The following TRIM50 variants were observed in gnomAD, a reference collection of about 807,000 sequenced individuals.
TRIM50 encodes the protein tripartite motif containing 50.
A neutral mutation model predicts 44.9 loss-of-function variants in TRIM50; 34 were observed. The observed-to-expected ratio is 0.76, with a 90% confidence interval of 0.58 to 1.01. The LOEUF is 1.01. TRIM50 is among the 50% of genes least tolerant of loss of function. The pLI is 0.00. For missense variants in TRIM50, 633 were observed against 663.7 expected, an observed-to-expected ratio of 0.95 and a Z score of 0.51; for synonymous variants, 307 against 291.1, an observed-to-expected ratio of 1.05 and a Z score of -0.56.
Position 73,324,666 on chromosome 7 carries a change from A to C in TRIM50, c.122T>G (p.Val41Gly). 1 of 1,614,192 alleles carries C rather than the reference A, an allele frequency of 6.2e-7. No homozygotes were observed. Among genetic ancestry groups the C allele is most frequent in the South Asian group, 1.1e-5 (1 of 91,084 alleles). The change falls in exon 2 of 7, where the codon GTT (valine) becomes GGT (glycine). Residue 41 changes from valine (V) to glycine (G), a missense_variant. Coordinates refer to ENST00000333149, the MANE Select transcript of TRIM50 (RefSeq NM_178125.3). Reference sequence around the variant, plus strand: ...GGCATCCAGGTGGCAGGACAGGGAAACCAGGCAGCCCTTGCAGTAAGAGTG... The same window carrying C: ...GGCATCCAGGTGGCAGGACAGGGAACCCAGGCAGCCCTTGCAGTAAGAGTG... Reference protein sequence around the residue: ...CGHSYCKGCLVSLSCHLDAEL... With the variant: ...CGHSYCKGCLGSLSCHLDAEL...
rs781854283 is a variant in TRIM50 at position 73,318,947 on chromosome 7, T to G, written c.601A>C (p.Thr201Pro). 1 of 1,613,806 alleles carries G rather than the reference T, an allele frequency of 6.2e-7. No homozygotes were observed. Among genetic ancestry groups the G allele is most frequent in the Admixed American group, 1.7e-5 (1 of 59,994 alleles). Residue 201 changes from threonine (T) to proline (P), a missense_variant, in exon 4 of 7, where the codon ACC (threonine) becomes CCC (proline). Coordinates refer to ENST00000333149, the MANE Select transcript of TRIM50 (RefSeq NM_178125.3). Reference sequence around the variant, plus strand: ...TCCAGGGAGGCCACCAGGCCACGGGTGTGACCCCCTATCCCCTCCAGGCAG... The same window carrying G: ...TCCAGGGAGGCCACCAGGCCACGGGGGTGACCCCCTATCCCCTCCAGGCAG... ...ARCLEGIGGH[T>P]RGLVASLDMQ...
intron 2 of TRIM50, among the ~76,000 whole-genome samples, chr7:73,321,166 T>C (rs568077630): frequency 1.3e-5 from 2 of 152,244 alleles, no homozygotes; most frequent in Admixed American, 1.3e-4. Flanking sequence ...ATCCCATCTC[T>C]AATTTTTTTT....
Position 73,324,746 on chromosome 7 carries a change from A to T in TRIM50, c.42T>A (p.Leu14=). ...AGACCTCCAGGCAGATGGGACACTG[A>T]AGCCGGTCCTCCAGCTCTGGCAGGC... The part of the protein sequence containing the change: ...QVSLPELEDR[L]QCPICLEVFK... The change falls in exon 2 of 7, where the codon CTT becomes CTA. Residue 14 remains leucine, a synonymous_variant. Transcript: ENST00000333149. The T allele has an allele frequency of 6.2e-7, 1 of 1,614,142 alleles. No homozygotes were observed. Among genetic ancestry groups the T allele is most frequent in the Non-Finnish European group, 8.5e-7 (1 of 1,180,042 alleles).
chr7:73,323,766 G>A (rs1343126853), intron 2 of TRIM50, among the ~76,000 whole-genome samples: 2 of 152,196 alleles, frequency 1.3e-5, no homozygotes, highest in Non-Finnish European at 2.9e-5. Context: ...GGGGCCTAGG[G>A]CAGTGGTGCA....
chr7:73,318,738 G>A, intron 4 of TRIM50, 29 bp from the exon 5 acceptor site: 1 of 1,614,000 alleles, frequency 6.2e-7, no homozygotes, highest in Non-Finnish European at 8.5e-7. Context: ...GGAGGTTAAG[G>A]CTAGAAGGTG....
rs1804363333 is a variant in TRIM50 at position 73,316,559 on chromosome 7, C to T, written c.874+6G>A. On this transcript the variant is annotated splice_donor_region_variant and intron_variant, in intron 6 of 6. Transcript: ENST00000333149. ...CCTCAGGAAGGAGGACGGGTCAGGG[C>T]CTCACCTGGCAAAACTTTCCGGAAG... is the stretch of plus-strand genomic sequence containing the variant. 5 of 1,614,038 alleles carry T rather than the reference C, an allele frequency of 3.1e-6. No individual in the cohort carries two copies.
At chr7:73,320,076 A>C (rs1804457825) in intron 3 of TRIM50, 71 bp downstream of exon 3, 3 of 1,612,104 alleles carry the variant, frequency 1.9e-6, no homozygotes, top group Admixed American at 3.3e-5. Context: ...TAAAGGACCA[A>C]TGAGAACTGA....
chr7:73,324,046 G>C (rs1460283020), intron 2 of TRIM50, among the ~76,000 whole-genome samples: 7 of 149,734 alleles, frequency 4.7e-5, no homozygotes, highest in African/African-American at 1.7e-4. Context: ...TCTCCAAAAA[G>C]AAAGAAAAAA....
chr7:73,316,694 A>G lies in TRIM50; in HGVS notation c.750-5T>C. On this transcript the variant is annotated splice_region_variant and splice_polypyrimidine_tract_variant and intron_variant, in intron 5 of 6. Transcript: ENST00000333149. ...CGGGCCTGCGGCATCTCTGCTCTGCAGGTGACAGTTCACAGTACAAGAGAG... is the reference window on the plus strand; with the variant it reads ...CGGGCCTGCGGCATCTCTGCTCTGCGGGTGACAGTTCACAGTACAAGAGAG... 1 of 1,613,698 alleles carries G rather than the reference A, an allele frequency of 6.2e-7. No homozygotes were observed. The highest frequency in any genetic ancestry group is 8.5e-7 in the Non-Finnish European group (1 of 1,179,932).
At position 73,320,825 on chromosome 7, in the gene TRIM50, C is replaced by T. The variant is rs1293868726; in HGVS notation, c.400-583G>A. Among the ~76,000 whole-genome samples, 8 of 144,510 alleles carry T rather than the reference C, an allele frequency of 5.5e-5. No homozygotes were observed. In the South Asian group the frequency reaches 1.1e-3, roughly 20 times the overall value. 94.8% of individuals were successfully genotyped at this position (144,510 alleles called of 152,430 possible). ...AGTGGATCACCTGAGGTCAGGAATT[C>T]GAGACCAGCCTCAACATGGAGAAAC... On this transcript the variant is annotated intron_variant, in intron 2 of 6. Coordinates refer to ENST00000333149, the MANE Select transcript of TRIM50 (RefSeq NM_178125.3).
At position 73,321,729 on chromosome 7, in the gene TRIM50, G is replaced by T. The variant is rs141594533; in HGVS notation, c.400-1487C>A. ...GATCGTGCCCAAGCACCAGAGAGCTGCAAGGGGCTTTCAGGAAGGGAGTTG... is the reference window on the plus strand; with the variant it reads ...GATCGTGCCCAAGCACCAGAGAGCTTCAAGGGGCTTTCAGGAAGGGAGTTG... On this transcript the variant is annotated intron_variant, in intron 2 of 6. Transcript: ENST00000333149. 1.6e-3 allele frequency among the ~76,000 whole-genome samples: 241 copies of T among 152,320 alleles called. 10 individuals are homozygous for T. In the East Asian group the frequency reaches 0.044, roughly 28 times the overall value.
rs1392630593 is a variant in TRIM50 at position 73,313,200 on chromosome 7, G to A, written c.1185C>T (p.Tyr395=). The A allele has an allele frequency of 2.6e-5, 42 of 1,590,288 alleles. No homozygotes were observed. The highest frequency in any genetic ancestry group is 4.0e-5 in the African/African-American group (3 of 74,614). The part of the protein sequence containing the change: ...WLIGLKEGRV[Y]EAFACPRVPL... ...GTACCCGGGGGCAGGCAAAGGCTTC[G>A]TACACCCGGCCCTCCTTCAGGCCGA... The change falls in exon 7 of 7, where the codon TAC becomes TAT. Residue 395 remains tyrosine (Y), a synonymous_variant. Coordinates refer to ENST00000333149, the MANE Select transcript of TRIM50 (RefSeq NM_178125.3). The surrounding 1 kb of genome is among the most constrained non-coding windows in gnomAD (Gnocchi z 4.9).
rs558117364 is a variant in TRIM50, at chr7:73,312,722, G to A, written c.*199C>T. On this transcript the variant is annotated 3_prime_UTR_variant, in exon 7 of 7. Transcript: ENST00000333149. The stretch of plus-strand genomic sequence containing the variant: ...CCCTGGCTGCCAAGGCCTGGGGGCC[G>A]AAGTTTACAAATACACCCTTGGCTG... 9 of 555,774 alleles carry A rather than the reference G, an allele frequency of 1.6e-5. No individual in the cohort carries two copies. The highest frequency in any genetic ancestry group is 1.2e-4 in the African/African-American group (6 of 51,850). The allele number at this position is 555,774 out of a possible 1,614,324, so 34.4% of individuals were successfully genotyped here. A position where few individuals can be genotyped will look rare whatever the true frequency, so the allele number is the denominator to read the frequency against.
At chr7:73,317,680 T>C (rs1176026203) in intron 5 of TRIM50, among the ~76,000 whole-genome samples, 2 of 152,142 alleles carry the variant, frequency 1.3e-5, no homozygotes, top group Non-Finnish European at 2.9e-5. Context: ...TTTAAACCCA[T>C]GTCTTCTGAC....
At chr7:73,316,772 C>T in intron 5 of TRIM50, 83 bp from the exon 6 acceptor site, 1 of 1,562,708 alleles carries the variant, frequency 6.4e-7, no homozygotes. Context: ...GTTTGCCCAG[C>T]CAGATCCACA....
In TRIM50 at chr7:73,316,549, C is replaced by T. The variant is rs201831032; in HGVS notation, c.874+16G>A. The T allele has an allele frequency of 6.3e-5, 101 of 1,613,468 alleles. No individual in the cohort carries two copies. Among genetic ancestry groups the T allele is most frequent in the East Asian group, 4.5e-4 (20 of 44,878 alleles). ...GGGCGGCAGCCCTCAGGAAGGAGGA[C>T]GGGTCAGGGCCTCACCTGGCAAAAC... On this transcript the variant is annotated intron_variant, in intron 6 of 6. Coordinates refer to ENST00000333149, the MANE Select transcript of TRIM50 (RefSeq NM_178125.3).
chr7:73,326,439 CTTA>C (rs1397746320), intron 1 of TRIM50, among the ~76,000 whole-genome samples: 1 of 149,398 alleles, frequency 6.7e-6, no homozygotes, highest in African/African-American at 2.5e-5. Flanking sequence ...CAAAGGTATC[CTTA>C]TTTACTTAGA....
At chr7:73,317,192 T>C (rs1554544232) in intron 5 of TRIM50, among the ~76,000 whole-genome samples, 5 of 152,000 alleles carry the variant, frequency 3.3e-5, no homozygotes, top group Middle Eastern at 3.4e-3. Context: ...CAGCTGGGAC[T>C]ATAAGCATGT....
rs367730941 is a variant in TRIM50, at chr7:73,318,665, G to C, written c.749+22C>G. 1.5e-5 allele frequency: 24 copies of C among 1,612,964 alleles called. No individual in the cohort carries two copies. The African/African-American group carries it at 3.2e-4, about 22-fold the overall frequency. On this transcript the variant is annotated intron_variant, in intron 5 of 6. Transcript: ENST00000333149. ...TGCCCGCAGCCACCAGACCCTGGCT[G>C]AGCTCTCTCCAAGGTTATTACCTGG...
Sources: allele counts gnomAD v4.1 joint callset (sites outside exome capture counted in the v4.1 genomes callset), GRCh38; gene constraint gnomAD v4.1.1; non-coding constraint Gnocchi (gnomAD v3.1); transcripts MANE v1.5; gene names NCBI Gene and HGNC (gene_info 2026-07-23, HGNC 2026-07-21).